Variants in ATP8A2 observed in about 807,000 individuals in gnomAD.
ATP8A2 encodes the protein phospholipid-transporting ATPase IB.
A neutral mutation model predicts 165.6 loss-of-function variants in ATP8A2; 100 were observed. That is an observed-to-expected ratio of 0.60 (90% CI 0.51 to 0.71). The LOEUF (loss-of-function observed/expected upper bound fraction) is 0.71. Among genes scored for constraint, ATP8A2 ranks in the 30% least tolerant of loss-of-function variants. The probability of loss-of-function intolerance (pLI) is 0.00; values close to 1 mark genes in which losing one functional copy is unlikely to be tolerated. For missense variants in ATP8A2, 1,227 were observed against 1,479.5 expected, an observed-to-expected ratio of 0.83 and a Z score of 2.80; for synonymous variants, 543 against 548.8, an observed-to-expected ratio of 0.99 and a Z score of 0.15.
intron 24 of ATP8A2, among the ~76,000 whole-genome samples, chr13:25,654,065 C>G (rs2041874158): frequency 6.6e-6 from 1 of 152,178 alleles, no homozygotes; most frequent in Non-Finnish European, 1.5e-5. Context: ...GAATGCCCCT[C>G]AGAAACTGTT....
At chr13:25,754,770 T>A (rs1296871265) in intron 25 of ATP8A2, among the ~76,000 whole-genome samples, 4 of 152,198 alleles carry the variant, frequency 2.6e-5, no homozygotes, top group Non-Finnish European at 5.9e-5. Context: ...GAGATTATTA[T>A]GATAGAGAAT....
intron 25 of ATP8A2, among the ~76,000 whole-genome samples, chr13:25,757,985 T>C (rs1272811710): frequency 6.6e-6 from 1 of 152,184 alleles, no homozygotes; most frequent in Non-Finnish European, 1.5e-5. Context: ...ACCCCACCCA[T>C]GAAGCCACCA....
intron 29 of ATP8A2, among the ~76,000 whole-genome samples, 184 bp downstream of exon 29, chr13:25,837,469 A>ACG (rs1175711798): frequency 1.7e-5 from 2 of 119,114 alleles, no homozygotes; most frequent in Admixed American, 8.4e-5. Context: ...ACACACACAC[A>ACG]CGCCACAAAC....
In ATP8A2 at chr13:25,823,061, G is replaced by A. The variant is rs117836481; in HGVS notation, c.2680-5057G>A. On this transcript the variant is annotated intron_variant, in intron 27 of 36. Coordinates refer to ENST00000381655, the MANE Select transcript of ATP8A2 (RefSeq NM_016529.6). ...GGTGCAAAATAATAAAGCTGGGTCC[G>A]TACTTGGTGCCTGCAAGGAACCAAC... Among the ~76,000 whole-genome samples the A allele has an allele frequency of 5.8e-4, 88 of 152,288 alleles. No individual in the cohort carries two copies. In the East Asian group the frequency reaches 0.014, roughly 24 times the overall value.
At chr13:25,902,835 A>G (rs1953799617) in intron 33 of ATP8A2, among the ~76,000 whole-genome samples, 1 of 151,968 alleles carries the variant, frequency 6.6e-6, no homozygotes. Flanking sequence ...TGGTTGAGTG[A>G]ATTTCCAGTT....
At chr13:25,655,723 C>A (rs2041913165) in intron 24 of ATP8A2, among the ~76,000 whole-genome samples, 1 of 147,746 alleles carries the variant, frequency 6.8e-6, no homozygotes, top group Non-Finnish European at 1.5e-5. Flanking sequence ...CAAACTAAAT[C>A]TCTTTAAAAA....
chr13:25,743,146 T>C (rs980815519), intron 25 of ATP8A2, among the ~76,000 whole-genome samples: 5 of 151,868 alleles, frequency 3.3e-5, no homozygotes, highest in Non-Finnish European at 5.9e-5. Flanking sequence ...TGTGTCCTTA[T>C]AAAGAGGAGA....
intron 27 of ATP8A2, among the ~76,000 whole-genome samples, chr13:25,825,226 AGC>A (rs1951286176): frequency 8.1e-6 from 1 of 124,084 alleles, no homozygotes; most frequent in South Asian, 2.7e-4. Flanking sequence ...GCATGGTCAG[AGC>A]TCACTGCTGC....
chr13:25,450,823 G>C (rs906255410), intron 1 of ATP8A2, among the ~76,000 whole-genome samples: 1 of 151,982 alleles, frequency 6.6e-6, no homozygotes, highest in Non-Finnish European at 1.5e-5. Flanking sequence ...GAGCCACCGC[G>C]CCCAGCCCTG....
At chr13:25,460,408 C>T (rs1212800197) in intron 1 of ATP8A2, among the ~76,000 whole-genome samples, 1 of 152,130 alleles carries the variant, frequency 6.6e-6, no homozygotes, top group African/African-American at 2.4e-5. Flanking sequence ...ATCCTAGCAA[C>T]AGAGGAAGTT....
At chr13:25,807,300 G>C (rs1241476101) in intron 27 of ATP8A2, among the ~76,000 whole-genome samples, 4 of 151,930 alleles carry the variant, frequency 2.6e-5, no homozygotes. Context: ...TTTCTTGTAG[G>C]AATTCTATAG....
chr13:25,639,797 T>C (rs1299943323), intron 24 of ATP8A2, among the ~76,000 whole-genome samples: 3 of 152,182 alleles, frequency 2.0e-5, no homozygotes, highest in African/African-American at 7.2e-5. Flanking sequence ...CAACAGAATA[T>C]ACATTACTCT....
At chr13:25,598,441 C>G (rs2040294742) in intron 24 of ATP8A2, among the ~76,000 whole-genome samples, 1 of 152,120 alleles carries the variant, frequency 6.6e-6, no homozygotes, top group South Asian at 2.1e-4. Context: ...GGATTTAATG[C>G]AATTTGACAC....
chr13:25,553,701 G>A (rs1417244975), intron 11 of ATP8A2, 92 bp from the exon 12 acceptor site: 1 of 1,304,824 alleles, frequency 7.7e-7, no homozygotes, highest in Non-Finnish European at 1.1e-6. Context: ...ACATGCAGGA[G>A]GTGCTCAATA....
At chr13:25,421,388 G>A (rs2034294053) in intron 1 of ATP8A2, among the ~76,000 whole-genome samples, 1 of 152,022 alleles carries the variant, frequency 6.6e-6, no homozygotes, top group South Asian at 2.1e-4. Flanking sequence ...AGGCTCAAGT[G>A]CAGTGGCATG....
At chr13:25,731,147 A>AAAAG (rs10676922) in intron 25 of ATP8A2, among the ~76,000 whole-genome samples, 99,139 of 123,004 alleles carry the variant, frequency 0.81, 40,355 homozygotes, top group Middle Eastern at 0.9. Flanking sequence ...AGAGAGAAAT[A>AAAAG]AAAGAAAGAA....
intron 33 of ATP8A2, among the ~76,000 whole-genome samples, chr13:25,935,613 G>A (rs1954862848): frequency 6.6e-6 from 1 of 152,162 alleles, no homozygotes; most frequent in Non-Finnish European, 1.5e-5. Context: ...GCGGGAGCTG[G>A]TATATCACAT....
At chr13:25,882,340 CCCT>C (rs1413287764) in intron 33 of ATP8A2, among the ~76,000 whole-genome samples, 2 of 152,120 alleles carry the variant, frequency 1.3e-5, no homozygotes, top group African/African-American at 4.8e-5. Context: ...CTTGACTGCT[CCCT>C]CTTCTATTTT....
In ATP8A2 at chr13:25,432,831, A is replaced by T. The variant is rs186216282; in HGVS notation, c.77-36146A>T. ...TTCTTTCATGGAGCCTGGCTGTTTTATTCAATGTATGTGTTTTATTTCTAC... is the reference window on the plus strand; with the variant it reads ...TTCTTTCATGGAGCCTGGCTGTTTTTTTCAATGTATGTGTTTTATTTCTAC... On this transcript the variant is annotated intron_variant, in intron 1 of 36. Transcript: ENST00000381655. 8.5e-3 allele frequency among the ~76,000 whole-genome samples: 1,294 copies of T among 152,230 alleles called. 20 individuals carry two copies. Among genetic ancestry groups the T allele is most frequent in the African/African-American group, 0.029 (1,198 of 41,528 alleles).
Sources: allele counts gnomAD v4.1 joint callset (sites outside exome capture counted in the v4.1 genomes callset), GRCh38; gene constraint gnomAD v4.1.1; transcripts MANE v1.5; gene names NCBI Gene and HGNC (gene_info 2026-07-23, HGNC 2026-07-21).